The following KIRREL3 variants were observed in gnomAD, a reference collection of about 807,000 sequenced individuals.
The protein encoded by KIRREL3 is kin of IRRE-like protein 3.
A neutral mutation model predicts 89.7 loss-of-function variants in KIRREL3; 36 were observed. That is an observed-to-expected ratio of 0.40 (90% CI 0.31 to 0.53). The LOEUF is 0.53. Among genes scored for constraint, KIRREL3 ranks in the 20% least tolerant of loss-of-function variants. The probability of loss-of-function intolerance (pLI) is 0.49; values close to 1 mark genes in which losing one functional copy is unlikely to be tolerated. For missense variants in KIRREL3, 864 were observed against 1,056.6 expected, an observed-to-expected ratio of 0.82 and a Z score of 2.53; for synonymous variants, 445 against 441.4, an observed-to-expected ratio of 1.01 and a Z score of -0.10.
chr11:126,457,976 G>A (rs1158888255), intron 6 of KIRREL3, among the ~76,000 whole-genome samples: 1 of 152,220 alleles, frequency 6.6e-6, no homozygotes, highest in Non-Finnish European at 1.5e-5. Flanking sequence ...CCTCTCCAGA[G>A]GCTGGTGTCA....
At chr11:126,881,677 A>G (rs745848434) in intron 1 of KIRREL3, among the ~76,000 whole-genome samples, 32 of 152,172 alleles carry the variant, frequency 2.1e-4, no homozygotes, top group Non-Finnish European at 4.1e-4. Flanking sequence ...CATTCTGAGT[A>G]GCTGTGATTA....
intron 1 of KIRREL3, among the ~76,000 whole-genome samples, chr11:126,595,324 G>A (rs182000993): frequency 1.6e-3 from 240 of 152,364 alleles, no homozygotes; most frequent in Non-Finnish European, 2.2e-3. Context: ...CCGGAGCTGA[G>A]GGCAGTGTAG....
intron 1 of KIRREL3, among the ~76,000 whole-genome samples, chr11:126,874,014 TC>T (rs1310768731): frequency 1.2e-4 from 18 of 152,196 alleles, no homozygotes; most frequent in African/African-American, 4.3e-4. Context: ...CCCAGTAATG[TC>T]CACATCTTTG....
At chr11:126,973,014 G>A (rs1386791333) in intron 1 of KIRREL3, among the ~76,000 whole-genome samples, 1 of 143,440 alleles carries the variant, frequency 7.0e-6, no homozygotes, top group African/African-American at 2.6e-5. Flanking sequence ...AATTATATTT[G>A]TATAACTAAG....
chr11:126,582,166 C>A (rs542627683), intron 1 of KIRREL3, among the ~76,000 whole-genome samples: 102 of 152,298 alleles, frequency 6.7e-4, no homozygotes, highest in African/African-American at 2.3e-3. Flanking sequence ...AATCGTGGAG[C>A]CTCTCTGGGC....
chr11:126,818,520 T>G (rs1329232037), intron 1 of KIRREL3, among the ~76,000 whole-genome samples: 1 of 152,156 alleles, frequency 6.6e-6, no homozygotes, highest in Non-Finnish European at 1.5e-5. Context: ...AATAAAAACA[T>G]GTCTATACCT....
chr11:126,723,827 A>G lies in KIRREL3; in HGVS notation c.56-160915T>C, dbSNP rs560970329. Reference sequence around the variant, plus strand: ...CTCTTTGTGACTCAGAACTTTGGAAAAAGTCCAACGAGCAACAAAATACTC... The same window carrying G: ...CTCTTTGTGACTCAGAACTTTGGAAGAAGTCCAACGAGCAACAAAATACTC... On this transcript the variant is annotated intron_variant, in intron 1 of 16. Coordinates refer to ENST00000525144, the MANE Select transcript of KIRREL3 (RefSeq NM_032531.4). The surrounding 1 kb of genome is among the most constrained non-coding windows in gnomAD (Gnocchi z 4.0). 1.3e-5 allele frequency among the ~76,000 whole-genome samples: 2 copies of G among 152,356 alleles called. No homozygotes were observed. Among genetic ancestry groups the G allele is most frequent in the South Asian group, 4.1e-4 (2 of 4,826 alleles).
chr11:126,932,706 C>T (rs1426409945), intron 1 of KIRREL3, among the ~76,000 whole-genome samples: 1 of 152,128 alleles, frequency 6.6e-6, no homozygotes, highest in East Asian at 1.9e-4. Flanking sequence ...GGCAAAAGGC[C>T]TATGTATTTA....
intron 1 of KIRREL3, among the ~76,000 whole-genome samples, chr11:126,848,521 G>T (rs963199110): frequency 6.6e-6 from 1 of 152,142 alleles, no homozygotes; most frequent in African/African-American, 2.4e-5. Flanking sequence ...AGAGGTCTGA[G>T]TAATGTAAAA....
chr11:126,781,132 G>A (rs991087776), intron 1 of KIRREL3, among the ~76,000 whole-genome samples: 1 of 152,116 alleles, frequency 6.6e-6, no homozygotes, highest in Non-Finnish European at 1.5e-5. Flanking sequence ...CACGTTTTCT[G>A]GGTTCTTAGT....
At chr11:126,572,750 G>A (rs1485202180) in intron 1 of KIRREL3, among the ~76,000 whole-genome samples, 2 of 152,164 alleles carry the variant, frequency 1.3e-5, no homozygotes, top group Admixed American at 6.5e-5. Context: ...CCTACTCAGG[G>A]TGTGCAGGCA....
At chr11:126,967,814 G>GGT (rs1949314638) in intron 1 of KIRREL3, among the ~76,000 whole-genome samples, 1 of 152,066 alleles carries the variant, frequency 6.6e-6, no homozygotes, top group Non-Finnish European at 1.5e-5. Flanking sequence ...GTCGCAGCTG[G>GGT]GGAGGGGGCT....
At chr11:126,691,174 A>G (rs1946866705) in intron 1 of KIRREL3, among the ~76,000 whole-genome samples, 1 of 151,188 alleles carries the variant, frequency 6.6e-6, no homozygotes, top group Non-Finnish European at 1.5e-5. Flanking sequence ...GGATCTGCAG[A>G]AGGTTTTGTG....
rs780233945 is a variant in KIRREL3 at position 126,883,194 on chromosome 11, A to AT, written c.55+117260_55+117261insA. Among the ~76,000 whole-genome samples the AT allele has an allele frequency of 3.2e-3, 482 of 152,320 alleles. 1 individual carries two copies. The highest frequency in any genetic ancestry group is 5.7e-3 in the Non-Finnish European group (385 of 68,018). On this transcript the variant is annotated intron_variant, in intron 1 of 16. Coordinates refer to ENST00000525144, the MANE Select transcript of KIRREL3 (RefSeq NM_032531.4). The surrounding 1 kb of genome is among the most constrained non-coding windows in gnomAD (Gnocchi z 4.1). ...CCTAACTCCTTGGCAGCTGAGCAGGAGACAGGAGGATCATCATCTGCTATA... is the reference window on the plus strand; with the variant it reads ...CCTAACTCCTTGGCAGCTGAGCAGGATGACAGGAGGATCATCATCTGCTATA...
intron 1 of KIRREL3, among the ~76,000 whole-genome samples, chr11:126,644,763 C>T (rs1324698292): frequency 6.6e-6 from 1 of 152,156 alleles, no homozygotes; most frequent in Non-Finnish European, 1.5e-5. Context: ...CTATTAAATG[C>T]CTCAAAGAGT....
Position 126,991,802 on chromosome 11 carries a change from T to C in KIRREL3, c.55+8653A>G, listed in dbSNP as rs1265031256. 6.6e-6 allele frequency among the ~76,000 whole-genome samples: 1 copy of C among 152,200 alleles called. No homozygotes were observed. Among genetic ancestry groups the C allele is most frequent in the East Asian group, 1.9e-4 (1 of 5,202 alleles). ...AATTATAAGACTATGACCTGTCTTA[T>C]GACACCACAGCTTAGGATACTCTCC... On this transcript the variant is annotated intron_variant, in intron 1 of 16. Transcript: ENST00000525144. This position sits in a 1 kb window ranked among gnomAD's most constrained non-coding sequence, Gnocchi z 5.8.
At chr11:126,730,778 A>G (rs34033403) in intron 1 of KIRREL3, among the ~76,000 whole-genome samples, 33,499 of 151,832 alleles carry the variant, frequency 0.22, 3,997 homozygotes, top group African/African-American at 0.31. Context: ...TTGCTCTGTC[A>G]CCCAGGCTGG....
chr11:126,545,328 C>T (rs1342855442), intron 2 of KIRREL3, among the ~76,000 whole-genome samples: 1 of 152,156 alleles, frequency 6.6e-6, no homozygotes, highest in African/African-American at 2.4e-5. Flanking sequence ...CCGTCTTTGC[C>T]TCCAGAGATA....
At chr11:126,902,940 A>G (rs1252078468) in intron 1 of KIRREL3, among the ~76,000 whole-genome samples, 1 of 152,172 alleles carries the variant, frequency 6.6e-6, no homozygotes, top group Non-Finnish European at 1.5e-5. Flanking sequence ...CTACCATCCA[A>G]TGTCTTTGCC....
Sources: gnomAD v4.1 joint callset for allele counts (sites outside exome capture counted in the v4.1 genomes callset) on GRCh38, gnomAD v4.1.1 for gene constraint, Gnocchi (gnomAD v3.1) non-coding constraint, MANE v1.5 for transcripts, NCBI Gene and HGNC (gene_info 2026-07-23, HGNC 2026-07-21) for gene names.